The following SYNPR variants were observed in gnomAD, a reference collection of about 807,000 sequenced individuals.
SYNPR encodes the protein synaptoporin.
In SYNPR, 23 loss-of-function variants were observed where a neutral mutation model predicts 32.9. That is an observed-to-expected ratio of 0.70 (90% confidence interval 0.50 to 0.99). The LOEUF is 0.99. Among genes scored for constraint, SYNPR ranks in the 50% least tolerant of loss-of-function variants. SYNPR has a pLI of 0.00. For missense variants in SYNPR, 318 were observed against 349.3 expected (o/e 0.91, Z 0.71); for synonymous variants, 146 against 135.9 (o/e 1.07, Z -0.52).
At chr3:63,384,706 G>A (rs191923632) in intron 2 of SYNPR, among the ~76,000 whole-genome samples, 36 of 152,270 alleles carry the variant, frequency 2.4e-4, no homozygotes, top group Admixed American at 8.5e-4. Flanking sequence ...TATGGAGCTC[G>A]TACTATGTGT....
At chr3:63,391,907 A>G (rs544947720) in intron 2 of SYNPR, among the ~76,000 whole-genome samples, 7 of 152,226 alleles carry the variant, frequency 4.6e-5, no homozygotes, top group Admixed American at 6.5e-5. Context: ...AAGCAAAATA[A>G]TAATTCAGAT....
chr3:63,576,658 G>A (rs1277668391), intron 4 of SYNPR, among the ~76,000 whole-genome samples: 1 of 151,890 alleles, frequency 6.6e-6, no homozygotes, highest in African/African-American at 2.4e-5. Flanking sequence ...GGGCATGGTA[G>A]CACGTGCCTG....
At chr3:63,588,253 G>C (rs1364064192) in intron 4 of SYNPR, among the ~76,000 whole-genome samples, 1 of 152,072 alleles carries the variant, frequency 6.6e-6, no homozygotes, top group African/African-American at 2.4e-5. Context: ...TGAGGGGGTA[G>C]TTTTGTTCGG....
intron 2 of SYNPR, among the ~76,000 whole-genome samples, chr3:63,314,448 T>C (rs1192307025): frequency 6.6e-6 from 1 of 151,974 alleles, no homozygotes; most frequent in Non-Finnish European, 1.5e-5. Context: ...GTAGTTTTGA[T>C]TTGCATTTCC....
At chr3:63,554,395 A>T (rs1702559396) in intron 3 of SYNPR, among the ~76,000 whole-genome samples, 1 of 152,174 alleles carries the variant, frequency 6.6e-6, no homozygotes, top group Non-Finnish European at 1.5e-5. Flanking sequence ...TATATGGTGA[A>T]AGGTAAGGGT....
Position 63,417,740 on chromosome 3 carries a change from T to A in SYNPR, c.85-63092T>A, listed in dbSNP as rs962663627. ...CTGCCAAGGCTTGGGGCTTGCACCC[T>A]CTGAAGCCACAGCCTGAACTCTACC... On this transcript the variant is annotated intron_variant, in intron 2 of 5. Transcript: ENST00000478300. Among the ~76,000 whole-genome samples the A allele has an allele frequency of 1.0e-3, 153 of 152,338 alleles. 1 individual carries two copies. The highest frequency in any genetic ancestry group is 3.3e-3 in the African/African-American group (136 of 41,566).
At chr3:63,492,042 G>A (rs11915791) in intron 3 of SYNPR, among the ~76,000 whole-genome samples, 5,048 of 152,178 alleles carry the variant, frequency 0.033, 273 homozygotes, top group African/African-American at 0.11. Context: ...GAGAGGAGGC[G>A]TCTAGTGAGT....
intron 4 of SYNPR, among the ~76,000 whole-genome samples, chr3:63,605,491 C>G (rs755338597): frequency 2.6e-5 from 4 of 152,220 alleles, no homozygotes; most frequent in Non-Finnish European, 5.9e-5. Flanking sequence ...TTTCCTCTTA[C>G]AGCCATTCAT....
rs1213233328 is a variant in SYNPR at position 63,511,871 on chromosome 3, T to G, written c.209+30915T>G. Among the ~76,000 whole-genome samples the G allele has an allele frequency of 2.0e-5, 3 of 152,284 alleles. No individual in the cohort carries two copies. The East Asian group carries it at 5.8e-4, about 29-fold the overall frequency. On this transcript the variant is annotated intron_variant, in intron 3 of 5. Transcript: ENST00000478300. ...TATGCTGTAGTCTCTTCTCTTTTCT[T>G]CATTTTAAAGATTATAAAAGTAACA...
chr3:63,329,180 T>C (rs1449224353), intron 2 of SYNPR, among the ~76,000 whole-genome samples: 1 of 152,188 alleles, frequency 6.6e-6, no homozygotes, highest in Non-Finnish European at 1.5e-5. Flanking sequence ...GTTTAAATAT[T>C]AAAAATAATA....
At chr3:63,567,693 A>C (rs1405529187) in intron 4 of SYNPR, among the ~76,000 whole-genome samples, 2 of 152,216 alleles carry the variant, frequency 1.3e-5, no homozygotes, top group African/African-American at 4.8e-5. Flanking sequence ...TTACAGATGC[A>C]TGCAAAGAAA....
intron 3 of SYNPR, among the ~76,000 whole-genome samples, chr3:63,481,384 CA>C (rs1701044067): frequency 6.6e-6 from 1 of 150,926 alleles, no homozygotes; most frequent in Admixed American, 6.6e-5. Context: ...ACTGAGTATC[CA>C]AGAGGATCTG....
At chr3:63,312,948 A>G (rs1361289160) in intron 2 of SYNPR, among the ~76,000 whole-genome samples, 1 of 151,916 alleles carries the variant, frequency 6.6e-6, no homozygotes, top group Non-Finnish European at 1.5e-5. Context: ...TTCTGTGACC[A>G]TCTCAGTGGA....
chr3:63,585,276 T>G (rs1314046907), intron 4 of SYNPR, among the ~76,000 whole-genome samples: 2 of 152,092 alleles, frequency 1.3e-5, no homozygotes, highest in Non-Finnish European at 2.9e-5. Flanking sequence ...CTAGGCAGAG[T>G]AAAAATTACA....
intron 2 of SYNPR, among the ~76,000 whole-genome samples, chr3:63,392,093 T>C (rs2088145230): frequency 6.6e-6 from 1 of 152,132 alleles, no homozygotes; most frequent in Admixed American, 6.5e-5. Flanking sequence ...AAATACATTA[T>C]CAATAATTAA....
intron 5 of SYNPR, among the ~76,000 whole-genome samples, chr3:63,613,639 A>AAAAAG (rs71099711): frequency 7.6e-6 from 1 of 130,784 alleles, no homozygotes; most frequent in East Asian, 2.2e-4. Flanking sequence ...AAAAAAAAAA[A>AAAAAG]GTCTGCAAAG....
intron 3 of SYNPR, among the ~76,000 whole-genome samples, chr3:63,267,986 A>G (rs2086504635): frequency 6.6e-6 from 1 of 152,254 alleles, no homozygotes; most frequent in Admixed American, 6.5e-5. Flanking sequence ...AAAACAGTTC[A>G]TAACTTCAGA....
At chr3:63,454,767 A>T (rs977534700) in intron 2 of SYNPR, among the ~76,000 whole-genome samples, 1 of 152,054 alleles carries the variant, frequency 6.6e-6, no homozygotes, top group African/African-American at 2.4e-5. Flanking sequence ...ATGTGATGTG[A>T]TGTGATGTGA....
intron 4 of SYNPR, among the ~76,000 whole-genome samples, chr3:63,558,212 G>C (rs1268893306): frequency 6.6e-6 from 1 of 152,172 alleles, no homozygotes. Context: ...CCAGCCTGTA[G>C]ACTATGTGCT....
Sources: gnomAD v4.1 joint callset for allele counts (sites outside exome capture counted in the v4.1 genomes callset) on GRCh38, gnomAD v4.1.1 for gene constraint, MANE v1.5 for transcripts, NCBI Gene and HGNC (gene_info 2026-07-23, HGNC 2026-07-21) for gene names.